The following ZNF140 variants were observed in gnomAD, a reference collection of about 807,000 sequenced individuals.
ZNF140 encodes zinc finger protein 140 (clone pHZ-39).
In ZNF140, 13 loss-of-function variants were observed where a neutral mutation model predicts 12.9. The observed-to-expected ratio is 1.01, with a 90% CI of 0.66 to 1.60. The LOEUF (loss-of-function observed/expected upper bound fraction) is 1.60, where lower values mean the gene tolerates loss of function less well. Among genes scored for constraint, ZNF140 ranks in the 40% most tolerant of loss-of-function variants. The pLI is 0.00. For missense variants in ZNF140, 531 were observed against 548.8 expected (o/e 0.97, Z 0.32); for synonymous variants, 214 against 186.7 (o/e 1.15, Z -1.19).
intron 4 of ZNF140, among the ~76,000 whole-genome samples, chr12:133,085,536 C>T (rs772159531): frequency 6.6e-6 from 1 of 152,148 alleles, no homozygotes; most frequent in South Asian, 2.1e-4. Flanking sequence ...CTTCTGTGTG[C>T]TCATCCTAAC....
chr12:133,084,741 A>G (rs1360767326), intron 4 of ZNF140, among the ~76,000 whole-genome samples: 2 of 152,184 alleles, frequency 1.3e-5, no homozygotes, highest in South Asian at 4.1e-4. Flanking sequence ...GCAGCTTAGG[A>G]CTGATGAAAC....
intron 4 of ZNF140, among the ~76,000 whole-genome samples, chr12:133,104,895 C>T (rs1022927160): frequency 8.6e-5 from 13 of 152,006 alleles, no homozygotes; most frequent in African/African-American, 2.7e-4. Context: ...ATTTTGTCAC[C>T]CAGGTAATCA....
chr12:133,103,574 C>T (rs773233274), intron 4 of ZNF140, among the ~76,000 whole-genome samples: 30 of 152,004 alleles, frequency 2.0e-4, no homozygotes, highest in Non-Finnish European at 3.7e-4. Flanking sequence ...CACCCGGCCC[C>T]AACAGCTTTC....
intron 4 of ZNF140, among the ~76,000 whole-genome samples, chr12:133,102,875 G>A (rs1955403564): frequency 6.6e-6 from 1 of 152,192 alleles, no homozygotes; most frequent in African/African-American, 2.4e-5. Flanking sequence ...GGGAAGAGGT[G>A]AGGTGATTGA....
At chr12:133,098,198 A>G (rs1326722260) in intron 4 of ZNF140, among the ~76,000 whole-genome samples, 34 of 151,866 alleles carry the variant, frequency 2.2e-4, no homozygotes, top group African/African-American at 6.8e-4. Context: ...TAGCATATTG[A>G]TTATACTTCT....
At chr12:133,091,966 T>C (rs1593765923) in intron 4 of ZNF140, among the ~76,000 whole-genome samples, 1 of 151,154 alleles carries the variant, frequency 6.6e-6, no homozygotes, top group Admixed American at 6.6e-5. Context: ...GAAAAAGATA[T>C]TCCAGGCTCA....
chr12:133,105,593 A>G lies in ZNF140; in HGVS notation c.316A>G (p.Arg106Gly), dbSNP rs1375343707. 1.2e-6 allele frequency: 2 copies of G among 1,614,198 alleles called. No individual in the cohort carries two copies. The highest frequency in any genetic ancestry group is 1.1e-5 in the South Asian group (1 of 91,082). The part of the protein sequence containing the change: ...DDSSQYLIME[R>G]ILSQGPVYSS... ...CTCATCCCAGTATTTGATCATGGAA[A>G]GAATTCTAAGTCAAGGCCCTGTGTA... The change falls in exon 5 of 5, where the codon AGA becomes GGA. Residue 106 changes from arginine to glycine, a missense_variant. Transcript: ENST00000355557.
chr12:133,095,592 C>T (rs531196388), intron 4 of ZNF140, among the ~76,000 whole-genome samples: 5,398 of 150,478 alleles, frequency 0.036, 119 homozygotes, highest in South Asian at 0.08. Context: ...CCCAGGGGAC[C>T]GGCATCAGCA....
At chr12:133,096,437 AT>A (rs1955131423) in intron 4 of ZNF140, among the ~76,000 whole-genome samples, 1 of 152,172 alleles carries the variant, frequency 6.6e-6, no homozygotes, top group Non-Finnish European at 1.5e-5. Context: ...CCCTTTCTAC[AT>A]AGGTACAGTG....
chr12:133,104,183 T>C (rs1955478382), intron 4 of ZNF140, among the ~76,000 whole-genome samples: 1 of 152,214 alleles, frequency 6.6e-6, no homozygotes, highest in East Asian at 1.9e-4. Context: ...GTAAAAGTTA[T>C]AAGAATAGTA....
At chr12:133,085,056 C>T (rs1954630151) in intron 4 of ZNF140, among the ~76,000 whole-genome samples, 1 of 151,694 alleles carries the variant, frequency 6.6e-6, no homozygotes, top group African/African-American at 2.4e-5. Context: ...CGAAGTCTCG[C>T]TCTTGCCCCC....
chr12:133,088,144 A>G (rs1954738759), intron 4 of ZNF140, among the ~76,000 whole-genome samples: 1 of 151,784 alleles, frequency 6.6e-6, no homozygotes. Flanking sequence ...AAAAAGAAAG[A>G]AAAAGGAAGG....
At chr12:133,088,139 G>A (rs1156464903) in intron 4 of ZNF140, among the ~76,000 whole-genome samples, 1 of 150,764 alleles carries the variant, frequency 6.6e-6, no homozygotes, top group African/African-American at 2.4e-5. Flanking sequence ...AAAAAAAAAA[G>A]AAAGAAAAAG....
Position 133,081,261 on chromosome 12 carries a change from T to C in ZNF140, c.-48-12T>C. 6.6e-7 allele frequency: 1 copy of C among 1,511,586 alleles called. No homozygotes were observed. Among genetic ancestry groups the C allele is most frequent in the East Asian group, 2.5e-5 (1 of 40,642 alleles). 93.6% of individuals were successfully genotyped at this position (1,511,586 alleles called of 1,614,324 possible). ...GGCCTGTTCGCTCAGGGCTCCTTTC[T>C]CTCTCTGCCAGGTCTGCCATTTTAC... On this transcript the variant is annotated splice_polypyrimidine_tract_variant and intron_variant, in intron 1 of 4. Coordinates refer to ENST00000355557, the MANE Select transcript of ZNF140 (RefSeq NM_003440.4).
intron 4 of ZNF140, among the ~76,000 whole-genome samples, chr12:133,087,827 A>G (rs1954724043): frequency 6.6e-6 from 1 of 152,106 alleles, no homozygotes; most frequent in Non-Finnish European, 1.5e-5. Context: ...ATATCTCTTT[A>G]TCTTTATTAT....
chr12:133,106,075 T>C lies in ZNF140; in HGVS notation c.798T>C (p.Ile266=). ...CCAACCTCACTCGACATCAAAGAAT[T>C]CACATAGGAAAGAAACAATATATAT... The part of the protein sequence containing the change: ...RASNLTRHQR[I]HIGKKQYICR... Residue 266 remains isoleucine (I), a synonymous_variant, in exon 5 of 5, where the codon ATT becomes ATC. Coordinates refer to ENST00000355557, the MANE Select transcript of ZNF140 (RefSeq NM_003440.4). 6.2e-7 allele frequency: 1 copy of C among 1,614,064 alleles called. No individual in the cohort carries two copies. Among genetic ancestry groups the C allele is most frequent in the African/African-American group, 1.3e-5 (1 of 75,034 alleles).
At chr12:133,103,021 TTTTC>T (rs1017591373) in intron 4 of ZNF140, among the ~76,000 whole-genome samples, 1 of 151,954 alleles carries the variant, frequency 6.6e-6, no homozygotes, top group Non-Finnish European at 1.5e-5. Flanking sequence ...TAACCCCATT[TTTTC>T]TTCTTTTTAA....
intron 4 of ZNF140, among the ~76,000 whole-genome samples, chr12:133,096,398 C>A (rs939375310): frequency 2.0e-5 from 3 of 152,098 alleles, no homozygotes; most frequent in South Asian, 2.1e-4. Flanking sequence ...AAGTACAGGT[C>A]TTTTTCAAAA....
At chr12:133,080,698 G>C (rs1954438381), upstream of ZNF140, 1 of 152,444 alleles carries the variant, frequency 6.6e-6, no homozygotes, top group Non-Finnish European at 1.5e-5. Context: ...GGGAATTGTA[G>C]TTGTCGCAGG....
Sources: allele counts gnomAD v4.1 joint callset (sites outside exome capture counted in the v4.1 genomes callset), GRCh38; gene constraint gnomAD v4.1.1; transcripts MANE v1.5; gene names NCBI Gene and HGNC (gene_info 2026-07-23, HGNC 2026-07-21).